The following ASTN2 variants were observed in gnomAD, a reference collection of about 807,000 sequenced individuals.
ASTN2 encodes the protein astrotactin 2, also known as astrotactin-2.
ASTN2 carries 54 observed loss-of-function variants against 139.8 expected under a neutral mutation model. That is an observed-to-expected ratio of 0.39 (90% CI 0.31 to 0.48). ASTN2 has a LOEUF of 0.48. Among genes scored for constraint, ASTN2 ranks in the 20% least tolerant of loss-of-function variants. ASTN2 has a pLI of 0.95. For synonymous variants in ASTN2, 756 were observed against 719.5 expected (o/e 1.05, Z -0.81); for missense variants, 1,565 against 1,725.1 (o/e 0.91, Z 1.64).
At chr9:117,078,106 T>C (rs1828328736) in intron 5 of ASTN2, among the ~76,000 whole-genome samples, 1 of 152,194 alleles carries the variant, frequency 6.6e-6, no homozygotes, top group Admixed American at 6.5e-5. Flanking sequence ...TAGACTTGTA[T>C]ATAGAAATAA....
intron 1 of ASTN2, among the ~76,000 whole-genome samples, chr9:117,318,496 C>T (rs768154160): frequency 9.2e-5 from 14 of 152,046 alleles, no homozygotes; most frequent in Non-Finnish European, 1.8e-4. Flanking sequence ...GAGAGAGACA[C>T]CTGTGAGAGT....
intron 10 of ASTN2, among the ~76,000 whole-genome samples, chr9:116,935,593 C>T (rs913682296): frequency 6.6e-6 from 1 of 152,178 alleles, no homozygotes; most frequent in African/African-American, 2.4e-5. Flanking sequence ...AAAAGACTTC[C>T]AGTCACACAG....
At chr9:117,152,137 T>C (rs1471032644) in intron 3 of ASTN2, among the ~76,000 whole-genome samples, 1 of 152,176 alleles carries the variant, frequency 6.6e-6, no homozygotes, top group African/African-American at 2.4e-5. Context: ...AGTGCTAAAA[T>C]TCAATGTAAT....
At chr9:116,939,827 G>A (rs570097245) in intron 10 of ASTN2, among the ~76,000 whole-genome samples, 8 of 152,220 alleles carry the variant, frequency 5.3e-5, no homozygotes, top group African/African-American at 1.9e-4. Flanking sequence ...TGGGCTGCAT[G>A]ATGACGTTTC....
chr9:116,975,397 C>A (rs1029602158), intron 9 of ASTN2, 52 bp from the exon 10 acceptor site: 5 of 1,516,352 alleles, frequency 3.3e-6, no homozygotes, highest in Admixed American at 2.2e-5. Context: ...AGAGAGCAAA[C>A]AGAAAAAAGG....
At chr9:117,253,073 G>C (rs1347411694) in intron 2 of ASTN2, among the ~76,000 whole-genome samples, 1 of 152,158 alleles carries the variant, frequency 6.6e-6, no homozygotes. Flanking sequence ...GATGTAGATT[G>C]TGTCCATTTT....
At chr9:116,957,033 A>C (rs994957759) in intron 10 of ASTN2, among the ~76,000 whole-genome samples, 1 of 150,938 alleles carries the variant, frequency 6.6e-6, no homozygotes, top group Non-Finnish European at 1.5e-5. Flanking sequence ...TGCAGTCCCT[A>C]TCAGATTCCC....
chr9:117,025,979 G>A (rs1366105360), intron 6 of ASTN2, among the ~76,000 whole-genome samples: 3 of 151,860 alleles, frequency 2.0e-5, no homozygotes, highest in Non-Finnish European at 4.4e-5. Flanking sequence ...TGGTCAGGCT[G>A]GTCTCGAACT....
chr9:117,384,732 T>C (rs552854760), intron 1 of ASTN2, among the ~76,000 whole-genome samples: 1 of 152,300 alleles, frequency 6.6e-6, no homozygotes, highest in Admixed American at 6.5e-5. Flanking sequence ...ATCTCGTTGA[T>C]TTTGTCAAAT....
At chr9:116,706,760 ATTTTT>A (rs60395133) in intron 16 of ASTN2, among the ~76,000 whole-genome samples, 6 of 88,040 alleles carry the variant, frequency 6.8e-5, no homozygotes, top group Non-Finnish European at 8.6e-5. Context: ...GCTGGCTAGA[ATTTTT>A]TTTTTTTTTT....
At position 116,772,381 on chromosome 9, in the gene ASTN2, G is replaced by A. The variant is rs149688370; in HGVS notation, c.2396+33251C>T. ...TCTCTTGCCTGCCACCATGTAAGAC[G>A]TGCCTTTGCTTCTCCTTTGCCTTCC... On this transcript the variant is annotated intron_variant, in intron 13 of 22. Coordinates refer to ENST00000313400, the MANE Select transcript of ASTN2 (RefSeq NM_001365068.1). Among the ~76,000 whole-genome samples the A allele has an allele frequency of 7.3e-3, 1,106 of 152,240 alleles. 20 individuals carry two copies. The highest frequency in any genetic ancestry group is 0.026 in the African/African-American group (1,061 of 41,546).
At chr9:116,840,355 G>C (rs1832175103) in intron 11 of ASTN2, among the ~76,000 whole-genome samples, 2 of 151,076 alleles carry the variant, frequency 1.3e-5, no homozygotes, top group Admixed American at 6.6e-5. Context: ...ACAAAGCCGC[G>C]ATTGTCATCC....
chr9:116,455,936 C>A (rs538913250), intron 20 of ASTN2, among the ~76,000 whole-genome samples: 1 of 152,068 alleles, frequency 6.6e-6, no homozygotes, highest in African/African-American at 2.4e-5. Flanking sequence ...AAACAAAAAG[C>A]CTTTCCTTTA....
At chr9:116,664,249 G>GT (rs760719813) in intron 16 of ASTN2, among the ~76,000 whole-genome samples, 18 of 150,268 alleles carry the variant, frequency 1.2e-4, no homozygotes, top group South Asian at 2.1e-4. Context: ...AAGGTTTTTT[G>GT]TTTTTTTTTA....
Position 117,058,237 on chromosome 9 carries a change from T to C in ASTN2, c.1277-18272A>G, listed in dbSNP as rs12352996. Among the ~76,000 whole-genome samples the C allele has an allele frequency of 4.2e-3, 632 of 152,258 alleles. 3 individuals are homozygous for C. Among genetic ancestry groups the C allele is most frequent in the Non-Finnish European group, 7.1e-3 (486 of 68,006 alleles). ...ACAGAGGCTTTAACCAATTCCTTAT[T>C]TGAGAAAAAGGGAACAGGCTTCATG... On this transcript the variant is annotated intron_variant, in intron 5 of 22. Coordinates refer to ENST00000313400, the MANE Select transcript of ASTN2 (RefSeq NM_001365068.1).
intron 1 of ASTN2, among the ~76,000 whole-genome samples, chr9:117,386,269 G>A (rs552489401): frequency 1.3e-5 from 2 of 152,232 alleles, no homozygotes; most frequent in East Asian, 3.9e-4. Flanking sequence ...ATCTTTATGA[G>A]GACCACCCTC....
intron 1 of ASTN2, among the ~76,000 whole-genome samples, chr9:117,361,066 G>T (rs1829679915): frequency 6.6e-6 from 1 of 152,078 alleles, no homozygotes. Flanking sequence ...GACAAATGGG[G>T]GCTTGCCACT....
intron 13 of ASTN2, among the ~76,000 whole-genome samples, chr9:116,748,868 T>C (rs1176353230): frequency 2.0e-5 from 3 of 152,308 alleles, no homozygotes. Flanking sequence ...CCTGAGGTCA[T>C]TTATTTGAAT....
chr9:116,712,010 AC>A (rs1306565737), intron 16 of ASTN2, among the ~76,000 whole-genome samples: 2 of 152,126 alleles, frequency 1.3e-5, no homozygotes, highest in Admixed American at 6.5e-5. Flanking sequence ...CCTTTAAATG[AC>A]CTTTAAGTGC....
Sources: gnomAD v4.1 joint callset for allele counts (sites outside exome capture counted in the v4.1 genomes callset) on GRCh38, gnomAD v4.1.1 for gene constraint, MANE v1.5 for transcripts, NCBI Gene and HGNC (gene_info 2026-07-23, HGNC 2026-07-21) for gene names.